The following PTBP3 variants were observed in gnomAD, a reference collection of about 807,000 sequenced individuals.
The protein encoded by PTBP3 is polypyrimidine tract binding protein 3, also known as polypyrimidine tract-binding protein 3.
In PTBP3, 20 loss-of-function variants were observed where a neutral mutation model predicts 58.7. The observed-to-expected ratio is 0.34, with a 90% confidence interval of 0.24 to 0.50. PTBP3 has a LOEUF of 0.50. PTBP3 is among the 20% of genes least tolerant of loss of function. The probability of loss-of-function intolerance (pLI) is 0.98; values close to 1 mark genes in which losing one functional copy is unlikely to be tolerated. For synonymous variants in PTBP3, 185 were observed against 219.8 expected (o/e 0.84, Z 1.40); for missense variants, 509 against 637.2 (o/e 0.80, Z 2.17).
chr9:112,295,419 G>GGA (rs1554800391), intron 2 of PTBP3, among the ~76,000 whole-genome samples: 1 of 142,518 alleles, frequency 7.0e-6, no homozygotes, highest in Non-Finnish European at 1.5e-5. Context: ...AAGATTGGAG[G>GGA]AAAAAAAAAA....
the PTBP3 span, among the ~76,000 whole-genome samples, chr9:112,372,578 T>C: frequency 6.6e-6 from 1 of 152,178 alleles, no homozygotes; most frequent in Non-Finnish European, 1.5e-5. Context: ...CCCCCTTCCC[T>C]TGGCCTCTGG....
chr9:112,284,342 T>C (rs77391361), intron 2 of PTBP3, among the ~76,000 whole-genome samples: 19 of 152,188 alleles, frequency 1.2e-4, no homozygotes, highest in Non-Finnish European at 2.2e-4. Context: ...GCTCACTCTT[T>C]GCAAAAGCAT....
At chr9:112,234,223 T>C (rs1835359340) in intron 8 of PTBP3, among the ~76,000 whole-genome samples, 2 of 152,336 alleles carry the variant, frequency 1.3e-5, no homozygotes, top group East Asian at 1.9e-4. Flanking sequence ...TTGAAAATAA[T>C]GGGAATCATT....
At chr9:112,371,595 G>A in the PTBP3 span, among the ~76,000 whole-genome samples, 3 of 150,770 alleles carry the variant, frequency 2.0e-5, no homozygotes, top group Admixed American at 6.6e-5. Context: ...TTCATAGATC[G>A]GTTCTGCTTC....
chr9:112,224,496 A>G (rs1439730053), intron 12 of PTBP3, among the ~76,000 whole-genome samples: 7 of 152,178 alleles, frequency 4.6e-5, no homozygotes, highest in East Asian at 1.9e-4. Context: ...CCTGGAATCT[A>G]TATTTATTCT....
intron 3 of PTBP3, among the ~76,000 whole-genome samples, chr9:112,268,926 T>C (rs1000979969): frequency 1.3e-5 from 2 of 152,138 alleles, no homozygotes; most frequent in African/African-American, 4.8e-5. Flanking sequence ...CTGGGCACAG[T>C]GGCTCAGGCC....
In PTBP3 at chr9:112,323,893, A is replaced by G. The variant is rs568892983; in HGVS notation, c.-52+9577T>C. On this transcript the variant is annotated intron_variant, in intron 1 of 13. Transcript: ENST00000374257. ...AGCCAAGAATTTTCCATAATTAGTG[A>G]TAGCCAAACCACAGAACCAGGAAGC... Among the ~76,000 whole-genome samples, 88 of 152,340 alleles carry G rather than the reference A, an allele frequency of 5.8e-4. 1 individual carries two copies. Among genetic ancestry groups the G allele is most frequent in the African/African-American group, 2.0e-3 (84 of 41,584 alleles).
At chr9:112,333,430 A>G in intron 1 of PTBP3, 40 bp downstream of exon 1, 1 of 1,564,400 alleles carries the variant, frequency 6.4e-7, no homozygotes, top group South Asian at 1.2e-5. Flanking sequence ...AAGCGGCGCC[A>G]AGGCAACCCG....
chr9:112,344,899 G>C, the PTBP3 span, among the ~76,000 whole-genome samples: 3 of 152,042 alleles, frequency 2.0e-5, no homozygotes, highest in African/African-American at 7.2e-5. Context: ...TTGGGAGGCC[G>C]AGGCGGGTGG....
chr9:112,331,919 C>T (rs192806367), intron 1 of PTBP3, among the ~76,000 whole-genome samples: 15 of 152,300 alleles, frequency 9.8e-5, no homozygotes, highest in African/African-American at 3.6e-4. Context: ...AAAAAATAGC[C>T]TGCTTCCATT....
rs930599435 is a variant in PTBP3 at position 112,221,587 on chromosome 9, T to C, written c.*2264A>G. ...TTTGGGAGATTTTGCAAAGAAATTTTTTTCCTCCTTCATATACCCCTTGTG... is the reference window on the plus strand; with the variant it reads ...TTTGGGAGATTTTGCAAAGAAATTTCTTTCCTCCTTCATATACCCCTTGTG... On this transcript the variant is annotated 3_prime_UTR_variant, in exon 14 of 14. Coordinates refer to ENST00000374257, the MANE Select transcript of PTBP3 (RefSeq NM_001163788.4). The C allele has an allele frequency of 1.0e-6, 1 of 985,410 alleles. No individual in the cohort carries two copies. Among genetic ancestry groups the C allele is most frequent in the African/African-American group, 1.7e-5 (1 of 57,242 alleles). The allele number at this position is 985,410 out of a possible 1,614,324, so 61.0% of individuals were successfully genotyped here.
At chr9:112,330,522 C>A in intron 1 of PTBP3, 2 of 1,334,922 alleles carry the variant, frequency 1.5e-6, no homozygotes, top group East Asian at 2.4e-5. Flanking sequence ...AGTTAGAGAA[C>A]AAGTTTTTAA....
At chr9:112,372,364 C>T in the PTBP3 span, among the ~76,000 whole-genome samples, 1 of 152,146 alleles carries the variant, frequency 6.6e-6, no homozygotes, top group Non-Finnish European at 1.5e-5. Context: ...CATGCATGAG[C>T]AACTGCACCT....
At chr9:112,267,952 T>TGA in intron 4 of PTBP3, 97 bp downstream of exon 4, 1 of 1,171,484 alleles carries the variant, frequency 8.5e-7, no homozygotes, top group Non-Finnish European at 1.2e-6. Context: ...TATCCTAAAA[T>TGA]GAATAAAAGC....
chr9:112,378,798 C>T, the PTBP3 span, among the ~76,000 whole-genome samples: 1 of 152,194 alleles, frequency 6.6e-6, no homozygotes, highest in Admixed American at 6.5e-5. Context: ...CCTCTGGAGC[C>T]TCTAAAGACC....
intron 1 of PTBP3, among the ~76,000 whole-genome samples, chr9:112,321,253 C>A (rs140718067): frequency 1.3e-5 from 2 of 152,156 alleles, no homozygotes; most frequent in African/African-American, 4.8e-5. Context: ...GAAAACTGGC[C>A]GGGCATGGTG....
At chr9:112,226,200 T>C (rs897441558) in intron 12 of PTBP3, among the ~76,000 whole-genome samples, 1 of 151,866 alleles carries the variant, frequency 6.6e-6, no homozygotes. Flanking sequence ...TTTTTTTTTT[T>C]CCTTGACTCT....
chr9:112,312,621 G>A (rs888322307), intron 1 of PTBP3, among the ~76,000 whole-genome samples: 2 of 149,766 alleles, frequency 1.3e-5, no homozygotes, highest in African/African-American at 4.9e-5. Flanking sequence ...ATATGAACTG[G>A]GTAAAGGATA....
the PTBP3 span, among the ~76,000 whole-genome samples, chr9:112,372,241 T>C: frequency 6.6e-6 from 1 of 152,104 alleles, no homozygotes; most frequent in Non-Finnish European, 1.5e-5. Context: ...CATGTCCAGC[T>C]AATTAAAAGA....
Sources: allele counts gnomAD v4.1 joint callset (sites outside exome capture counted in the v4.1 genomes callset), GRCh38; gene constraint gnomAD v4.1.1; transcripts MANE v1.5; gene names NCBI Gene and HGNC (gene_info 2026-07-23, HGNC 2026-07-21).